Variants in DMXL1 observed in about 807,000 individuals in gnomAD.
DMXL1 encodes dmX-like protein 1.
In DMXL1, 99 loss-of-function variants were observed where a neutral mutation model predicts 319.2. The ratio of observed to expected loss-of-function variants is 0.31; its 90% CI spans 0.26 to 0.37. The LOEUF (loss-of-function observed/expected upper bound fraction) is 0.37. Among genes scored for constraint, DMXL1 ranks in the 10% least tolerant of loss-of-function variants. DMXL1 has a pLI of 1.00. For synonymous variants in DMXL1, 1,385 were observed against 1,235.2 expected (o/e 1.12, Z -2.54); for missense variants, 3,745 against 3,595.6 (o/e 1.04, Z -1.06).
rs1028385655 is a variant in DMXL1, at chr5:119,155,776, A to G, written c.4702+3740A>G. On this transcript the variant is annotated intron_variant, in intron 19 of 43. Transcript: ENST00000539542. ...CAGGAGGTCAAGACTGCAACGAGCT[A>G]TGATCACACCACTGCACTCCAGCCT... Among the ~76,000 whole-genome samples, 12 of 147,374 alleles carry G rather than the reference A, an allele frequency of 8.1e-5. No homozygotes were observed. The East Asian group carries it at 1.3e-3, about 16-fold the overall frequency.
chr5:119,107,006 A>G (rs1758495863), intron 4 of DMXL1, among the ~76,000 whole-genome samples: 1 of 152,184 alleles, frequency 6.6e-6, no homozygotes. Context: ...TGTATATCAT[A>G]AAGCAATATA....
intron 31 of DMXL1, among the ~76,000 whole-genome samples, 172 bp from the exon 32 acceptor site, chr5:119,197,583 C>T (rs1196038148): frequency 6.6e-5 from 10 of 151,960 alleles, no homozygotes; most frequent in Non-Finnish European, 1.5e-4. Context: ...CACTGGGTTT[C>T]TTTGCCCACC....
At chr5:119,115,437 C>T (rs928293239) in intron 6 of DMXL1, among the ~76,000 whole-genome samples, 2 of 152,192 alleles carry the variant, frequency 1.3e-5, no homozygotes, top group African/African-American at 4.8e-5. Context: ...GTTCATAGAG[C>T]ATTTCACGAG....
chr5:119,244,327 GTGTTTT>G, intron 42 of DMXL1, 26 bp from the exon 43 acceptor site: 1 of 1,531,910 alleles, frequency 6.5e-7, no homozygotes, highest in Non-Finnish European at 8.9e-7. Flanking sequence ...TTATTGTTAA[GTGTTTT>G]TGTTTTTTTT....
intron 4 of DMXL1, 135 bp downstream of exon 4, chr5:119,105,393 C>A: frequency 1.6e-6 from 1 of 642,766 alleles, no homozygotes; most frequent in Admixed American, 2.7e-5. Context: ...TGGATTATGC[C>A]CTTTTAGAGT....
At chr5:119,221,862 T>C (rs1209514962) in intron 37 of DMXL1, among the ~76,000 whole-genome samples, 1 of 151,936 alleles carries the variant, frequency 6.6e-6, no homozygotes, top group Non-Finnish European at 1.5e-5. Flanking sequence ...TGAAACATAA[T>C]TTTTCTGTAG....
At chr5:119,107,294 T>C (rs1758571234) in intron 4 of DMXL1, among the ~76,000 whole-genome samples, 1 of 152,076 alleles carries the variant, frequency 6.6e-6, no homozygotes, top group Admixed American at 6.5e-5. Flanking sequence ...TGAGCCATGA[T>C]TGTGCTACTG....
chr5:119,223,806 TAGG>T (rs1369455802), intron 37 of DMXL1, among the ~76,000 whole-genome samples: 1 of 152,146 alleles, frequency 6.6e-6, no homozygotes, highest in Non-Finnish European at 1.5e-5. Flanking sequence ...AAAGCAAGAA[TAGG>T]AACCTTCAGG....
chr5:119,178,598 C>A, intron 28 of DMXL1: 3 of 985,240 alleles, frequency 3.0e-6, no homozygotes, highest in Non-Finnish European at 3.6e-6. Flanking sequence ...TATGCCTAGC[C>A]CCCACCAGGT....
rs143779604 is a variant in DMXL1 at position 119,132,964 on chromosome 5, G to A, written c.1316-168G>A. Reference sequence around the variant, plus strand: ...ACTTAAAGTATATTGCAAAGAATACGGATAAAGAGATGTGTAGGGTGAGGT... The same window carrying A: ...ACTTAAAGTATATTGCAAAGAATACAGATAAAGAGATGTGTAGGGTGAGGT... On this transcript the variant is annotated intron_variant, in intron 10 of 43. Coordinates refer to ENST00000539542, the MANE Select transcript of DMXL1 (RefSeq NM_001290321.3). The A allele has an allele frequency of 1.8e-3, 1,190 of 650,834 alleles. 11 individuals carry two copies. In the African/African-American group the frequency reaches 0.02, roughly 11 times the overall value. 40.3% of individuals were successfully genotyped at this position (650,834 alleles called of 1,614,324 possible).
At chr5:119,186,696 C>T (rs1431055608) in intron 28 of DMXL1, among the ~76,000 whole-genome samples, 2 of 152,202 alleles carry the variant, frequency 1.3e-5, no homozygotes, top group African/African-American at 4.8e-5. Flanking sequence ...TTCCTCTGCT[C>T]CTCCCCTTCC....
intron 35 of DMXL1, 147 bp from the exon 36 acceptor site, chr5:119,220,325 T>C (rs1784439846): frequency 1.5e-6 from 1 of 662,908 alleles, no homozygotes; most frequent in African/African-American, 1.8e-5. Context: ...TGAAGCTTAT[T>C]ATTTCACTAA....
At chr5:119,137,923 C>T (rs1386560924) in intron 13 of DMXL1, among the ~76,000 whole-genome samples, 1 of 152,048 alleles carries the variant, frequency 6.6e-6, no homozygotes, top group South Asian at 2.1e-4. Context: ...GGGATAAAGT[C>T]GGAAAGTTAG....
chr5:119,224,266 T>C (rs889392856), intron 37 of DMXL1, among the ~76,000 whole-genome samples: 4 of 152,158 alleles, frequency 2.6e-5, no homozygotes, highest in Admixed American at 2.0e-4. Context: ...TTTGTTTTAC[T>C]CTTATTTGAC....
intron 10 of DMXL1, chr5:119,132,821 T>G: frequency 1.8e-6 from 1 of 544,604 alleles, no homozygotes; most frequent in Non-Finnish European, 3.5e-6. Flanking sequence ...AATGATACTT[T>G]TATTTTTTGA....
intron 17 of DMXL1, 21 bp from the exon 18 acceptor site, chr5:119,148,718 A>T (rs1393185707): frequency 6.3e-7 from 1 of 1,584,826 alleles, no homozygotes; most frequent in Non-Finnish European, 8.6e-7. Context: ...ACATTTTGTT[A>T]ACGGATTATT....
At chr5:119,213,618 A>T (rs910038334) in intron 34 of DMXL1, among the ~76,000 whole-genome samples, 7 of 152,194 alleles carry the variant, frequency 4.6e-5, no homozygotes, top group African/African-American at 7.2e-5. Flanking sequence ...ATGTTGAAAC[A>T]CCATAAACAA....
intron 13 of DMXL1, among the ~76,000 whole-genome samples, chr5:119,140,673 A>G (rs1462114010): frequency 6.6e-6 from 1 of 152,174 alleles, no homozygotes; most frequent in Non-Finnish European, 1.5e-5. Context: ...ATTACACCAG[A>G]TGCACAAAGA....
At chr5:119,180,606 T>A (rs2150325843) in intron 28 of DMXL1, among the ~76,000 whole-genome samples, 1 of 152,328 alleles carries the variant, frequency 6.6e-6, no homozygotes, top group South Asian at 2.1e-4. Context: ...TATTAAGTAT[T>A]TTGTTTTTGT....
Sources: gnomAD v4.1 joint callset for allele counts (sites outside exome capture counted in the v4.1 genomes callset) on GRCh38, gnomAD v4.1.1 for gene constraint, MANE v1.5 for transcripts, NCBI Gene and HGNC (gene_info 2026-07-23, HGNC 2026-07-21) for gene names.